The following TRPC6 variants were observed in gnomAD, a reference collection of about 807,000 sequenced individuals.
TRPC6 encodes the protein short transient receptor potential channel 6.
In TRPC6, 55 loss-of-function variants were observed where a neutral mutation model predicts 90.7. That is an observed-to-expected ratio of 0.61 (90% CI 0.49 to 0.76). The LOEUF is 0.76. Ranked by LOEUF, TRPC6 falls within the 30% of genes least tolerant of loss-of-function variation. The pLI, the probability that TRPC6 is intolerant of heterozygous loss-of-function variation, is 0.00. For synonymous variants in TRPC6, 393 were observed against 393.0 expected (o/e 1.00, Z 0.00); for missense variants, 989 against 1,122.7 (o/e 0.88, Z 1.70).
chr11:101,555,262 C>A (rs750973866), intron 1 of TRPC6, among the ~76,000 whole-genome samples: 1 of 152,218 alleles, frequency 6.6e-6, no homozygotes, highest in Admixed American at 6.5e-5. Flanking sequence ...ATGGAACATA[C>A]GAGGACTCCA....
chr11:101,491,264 C>A (rs1185456169), intron 3 of TRPC6: 9 of 325,762 alleles, frequency 2.8e-5, no homozygotes, highest in Non-Finnish European at 4.8e-5. Flanking sequence ...GAAACCCCGT[C>A]TCTACTAAAA....
rs752016286 is a variant in TRPC6 at position 101,453,132 on chromosome 11, T to C, written c.2645-26A>G. 3.5e-5 allele frequency: 53 copies of C among 1,535,064 alleles called. 1 individual carries two copies. The African/African-American group carries it at 4.8e-4, about 14-fold the overall frequency. On this transcript the variant is annotated intron_variant, in intron 12 of 12. Coordinates refer to ENST00000344327, the MANE Select transcript of TRPC6 (RefSeq NM_004621.6). ...CTTTGAAAGCAAGAGTGATAAGAAGTCAACTATAAATACGCAATGCGGAAA... is the reference window on the plus strand; with the variant it reads ...CTTTGAAAGCAAGAGTGATAAGAAGCCAACTATAAATACGCAATGCGGAAA...
chr11:101,568,460 C>T (rs1361956037), intron 1 of TRPC6, among the ~76,000 whole-genome samples: 1 of 152,146 alleles, frequency 6.6e-6, no homozygotes, highest in African/African-American at 2.4e-5. Context: ...TCCAGGAGAA[C>T]TTCCCCAACC....
intron 1 of TRPC6, among the ~76,000 whole-genome samples, chr11:101,567,137 A>T (rs892290875): frequency 6.6e-6 from 1 of 151,930 alleles, no homozygotes; most frequent in Non-Finnish European, 1.5e-5. Flanking sequence ...TCTCCTGGCC[A>T]ACACAGCAGT....
chr11:101,499,481 C>T (rs948040949), intron 2 of TRPC6, among the ~76,000 whole-genome samples: 8 of 150,056 alleles, frequency 5.3e-5, no homozygotes, highest in African/African-American at 2.0e-4. Context: ...TCCATAAAAC[C>T]TTTAATAATT....
intron 1 of TRPC6, among the ~76,000 whole-genome samples, chr11:101,570,962 G>A (rs968833299): frequency 7.6e-6 from 1 of 132,248 alleles, no homozygotes; most frequent in Non-Finnish European, 1.8e-5. Flanking sequence ...GCTGGCACAA[G>A]ACAAGGATGC....
At chr11:101,471,838 T>C (rs1261457283) in intron 8 of TRPC6, among the ~76,000 whole-genome samples, 1 of 152,210 alleles carries the variant, frequency 6.6e-6, no homozygotes, top group Non-Finnish European at 1.5e-5. Context: ...TAAGCAATAA[T>C]TTTTTGAATA....
At chr11:101,467,573 A>T (rs1859178258) in intron 10 of TRPC6, among the ~76,000 whole-genome samples, 1 of 152,232 alleles carries the variant, frequency 6.6e-6, no homozygotes, top group Admixed American at 6.5e-5. Flanking sequence ...CATGCATTAG[A>T]ATGGCAGAAA....
In TRPC6 at chr11:101,583,440, C is replaced by T; in HGVS notation, c.64G>A (p.Ala22Thr). The T allele has an allele frequency of 3.2e-6, 5 of 1,546,954 alleles. No individual in the cohort carries two copies. The highest frequency in any genetic ancestry group is 4.4e-6 in the Non-Finnish European group (5 of 1,145,572). ...TCCTGGCTCTCGTTGCGCCGCGCAG[C>T]GGCTCCGGCAGCGCCCCGGGGAGAA... ...GSSPRGAAGAAARRNESQDYL... is the reference protein window; with the variant it reads ...GSSPRGAAGATARRNESQDYL... The change falls in exon 1 of 13, where the codon GCT becomes ACT. Residue 22 changes from alanine (A) to threonine (T), a missense_variant. Ala to Thr is a moderately conservative substitution (Grantham distance 58). Transcript: ENST00000344327.
intron 10 of TRPC6, among the ~76,000 whole-genome samples, chr11:101,463,200 AT>A (rs1859050612): frequency 6.6e-6 from 1 of 152,078 alleles, no homozygotes; most frequent in African/African-American, 2.4e-5. Context: ...GTGCTGCTGG[AT>A]TCGGTTTGCC....
intron 2 of TRPC6, among the ~76,000 whole-genome samples, chr11:101,503,644 A>C (rs963990541): frequency 6.6e-6 from 1 of 152,112 alleles, no homozygotes; most frequent in Admixed American, 6.6e-5. Context: ...GGGAGGAAAA[A>C]GCCTGGGCTT....
intron 4 of TRPC6, among the ~76,000 whole-genome samples, chr11:101,483,512 T>A (rs1037518926): frequency 6.6e-6 from 1 of 152,148 alleles, no homozygotes; most frequent in East Asian, 1.9e-4. Flanking sequence ...GTCTGAGGTA[T>A]TGAGGAAGTG....
At chr11:101,492,190 A>G (rs1193310894) in intron 2 of TRPC6, among the ~76,000 whole-genome samples, 1 of 152,092 alleles carries the variant, frequency 6.6e-6, no homozygotes, top group Non-Finnish European at 1.5e-5. Context: ...TATCAATTGC[A>G]GTTTCTGCTG....
intron 1 of TRPC6, among the ~76,000 whole-genome samples, chr11:101,571,550 C>T (rs1255456408): frequency 2.0e-5 from 3 of 152,062 alleles, no homozygotes; most frequent in Non-Finnish European, 2.9e-5. Flanking sequence ...AAAAAAGAGC[C>T]CACATAGCCA....
At chr11:101,571,972 A>T (rs7938938) in intron 1 of TRPC6, among the ~76,000 whole-genome samples, 57,433 of 151,990 alleles carry the variant, frequency 0.38, 11,524 homozygotes, top group Non-Finnish European at 0.46. Flanking sequence ...AAGGACTTCA[A>T]GACTACAACA....
At chr11:101,556,950 CA>C (rs1861574158) in intron 1 of TRPC6, among the ~76,000 whole-genome samples, 1 of 152,062 alleles carries the variant, frequency 6.6e-6, no homozygotes, top group Non-Finnish European at 1.5e-5. Flanking sequence ...AACAAAAGGA[CA>C]AAAAACCATA....
At chr11:101,530,604 G>A (rs1860889134) in intron 1 of TRPC6, among the ~76,000 whole-genome samples, 1 of 152,138 alleles carries the variant, frequency 6.6e-6, no homozygotes, top group African/African-American at 2.4e-5. Context: ...CTACAGACCT[G>A]GTAACAGGCC....
intron 1 of TRPC6, among the ~76,000 whole-genome samples, chr11:101,558,050 T>C (rs1861598661): frequency 1.3e-5 from 2 of 151,954 alleles, no homozygotes; most frequent in Admixed American, 1.3e-4. Context: ...CATATGGAAC[T>C]GCAAAAATCC....
intron 2 of TRPC6, 71 bp downstream of exon 2, chr11:101,503,953 A>C (rs1304134925): frequency 6.3e-7 from 1 of 1,590,428 alleles, no homozygotes; most frequent in South Asian, 1.1e-5. Flanking sequence ...TGCTGAGCAC[A>C]TGGGGGAAGC....
Sources: allele counts gnomAD v4.1 joint callset (sites outside exome capture counted in the v4.1 genomes callset), GRCh38; gene constraint gnomAD v4.1.1; transcripts MANE v1.5; gene names NCBI Gene and HGNC (gene_info 2026-07-23, HGNC 2026-07-21).